CANT1: variants seen among roughly 807,000 people sequenced by gnomAD.
CANT1 encodes the protein soluble calcium-activated nucleotidase 1.
Under a neutral mutation model 30.0 loss-of-function variants are expected in CANT1, and 26 were observed. The ratio of observed to expected loss-of-function variants is 0.87; its 90% CI spans 0.64 to 1.20. The LOEUF (loss-of-function observed/expected upper bound fraction) is 1.20. CANT1 is among the 50% of genes most tolerant of loss of function. CANT1 has a pLI of 0.00. For synonymous variants in CANT1, 246 were observed against 251.8 expected (o/e 0.98, Z 0.22); for missense variants, 518 against 563.0 (o/e 0.92, Z 0.81).
intron 1 of CANT1, among the ~76,000 whole-genome samples, chr17:79,001,505 C>T (rs891777502): frequency 1.6e-4 from 25 of 152,140 alleles, no homozygotes; most frequent in African/African-American, 4.3e-4. Context: ...GAATAAATGG[C>T]GAATCTGTTA....
Position 79,002,283 on chromosome 17 carries a change from G to A in CANT1, c.-146-4320C>T, listed in dbSNP as rs2071290983. Among the ~76,000 whole-genome samples, 1 of 152,106 alleles carries A rather than the reference G, an allele frequency of 6.6e-6. No individual in the cohort carries two copies. Among genetic ancestry groups the A allele is most frequent in the Non-Finnish European group, 1.5e-5 (1 of 68,010 alleles). ...ATAGACCATCTGGGCTCAGCCAAGG[G>A]ACTTCCCTTGGCCTCAGTTTACTTC... On this transcript the variant is annotated intron_variant, in intron 1 of 4. Transcript: ENST00000392446. The surrounding 1 kb of genome is among the most constrained non-coding windows in gnomAD (Gnocchi z 4.0).
Position 79,008,943 on chromosome 17 carries a change from TG to T in CANT1, c.-147+720del, listed in dbSNP as rs1252538813. Among the ~76,000 whole-genome samples the T allele has an allele frequency of 1.3e-5, 2 of 152,192 alleles. No individual in the cohort carries two copies. Among genetic ancestry groups the T allele is most frequent in the Admixed American group, 6.5e-5 (1 of 15,278 alleles). ...TGGGATGGGGTGGGGAAGGTTGGCC[TG>T]TTACAGGTTTGACCAAGTGCCAGTC... On this transcript the variant is annotated intron_variant, in intron 1 of 4. Transcript: ENST00000392446. The surrounding 1 kb of genome is among the most constrained non-coding windows in gnomAD (Gnocchi z 4.4).
At chr17:78,994,871 G>T in intron 4 of CANT1, 147 bp downstream of exon 4, 1 of 839,258 alleles carries the variant, frequency 1.2e-6, no homozygotes, top group South Asian at 1.6e-5. Flanking sequence ...AGTGAGCTGA[G>T]ATCGTGCCAC....
At chr17:79,000,543 A>C (rs969752247) in intron 1 of CANT1, among the ~76,000 whole-genome samples, 2 of 151,046 alleles carry the variant, frequency 1.3e-5, no homozygotes, top group Non-Finnish European at 2.9e-5. Context: ...GCCATGAAGT[A>C]GCATCCATCA....
Position 78,993,711 on chromosome 17 carries a change from A to G in CANT1, c.1045T>C (p.Phe349Leu). Residue 349 changes from phenylalanine (F) to leucine (L), a missense_variant, in exon 5 of 5, where the codon TTC becomes CTC. Physicochemically the swap from Phe to Leu is conservative, Grantham distance 22. This residue lies in a region of CANT1 where 221 missense variants were observed against 211.8 expected (regional missense o/e 1.04). Transcript: ENST00000392446. The surrounding 1 kb of genome is among the most constrained non-coding windows in gnomAD (Gnocchi z 4.5). ...VPTHGFSSFKFIPNTDDQIIV... is the reference protein window; with the variant it reads ...VPTHGFSSFKLIPNTDDQIIV... ...ATCTGGTCGTCGGTGTTGGGGATGA[A>G]CTTGAAGGACGAGAAGCCGTGAGTG... is the stretch of plus-strand genomic sequence containing the variant. 1 of 1,614,152 alleles carries G rather than the reference A, an allele frequency of 6.2e-7. No homozygotes were observed. The highest frequency in any genetic ancestry group is 8.5e-7 in the Non-Finnish European group (1 of 1,180,032).
At chr17:78,994,427 C>A (rs150106708) in intron 4 of CANT1, among the ~76,000 whole-genome samples, 1 of 152,202 alleles carries the variant, frequency 6.6e-6, no homozygotes, top group Admixed American at 6.5e-5. Flanking sequence ...TGGAACACCA[C>A]GGCCCAGCGC....
In CANT1 at chr17:78,997,444, C is replaced by T. The variant is rs112979829; in HGVS notation, c.179G>A (p.Cys60Tyr). 18 of 1,602,450 alleles carry T rather than the reference C, an allele frequency of 1.1e-5. No homozygotes were observed. Among genetic ancestry groups the T allele is most frequent in the Non-Finnish European group, 1.4e-5 (17 of 1,172,660 alleles). ...FVGAAILWLL[C>Y]SHRPAPGRPP... ...CCTGCCGGGGGCCGGGCGGTGGGAG[C>T]AGAGCAGCCAGAGGATGGCAGCACC... Residue 60 changes from cysteine to tyrosine, a missense_variant, in exon 3 of 5, where the codon TGC becomes TAC. By Grantham distance (194) the Cys-to-Tyr change is radical (BLOSUM62 -2). Around this residue, in one of 3 missense-constraint regions of CANT1, gnomAD observed 249 missense variants for 268.8 expected, o/e 0.93. Transcript: ENST00000392446. The surrounding 1 kb of genome is among the most constrained non-coding windows in gnomAD (Gnocchi z 7.5).
Position 78,996,608 on chromosome 17 carries a change from T to C in CANT1, c.631+384A>G, listed in dbSNP as rs570749683. Among the ~76,000 whole-genome samples the C allele has an allele frequency of 6.6e-6, 1 of 152,154 alleles. No individual in the cohort carries two copies. The highest frequency in any genetic ancestry group is 1.5e-5 in the Non-Finnish European group (1 of 68,012). ...TTTGAGTGAGAACCATCTGTCCCCA[T>C]GGCTTTCAGGGCAAGGCTCCTGGTA... On this transcript the variant is annotated intron_variant, in intron 3 of 4. Transcript: ENST00000392446. The surrounding 1 kb of genome is among the most constrained non-coding windows in gnomAD (Gnocchi z 5.1).
At position 78,993,292 on chromosome 17, in the gene CANT1, G is replaced by A; in HGVS notation, c.*258C>T. 1.9e-6 allele frequency: 1 copy of A among 537,136 alleles called. No individual in the cohort carries two copies. The highest frequency in any genetic ancestry group is 3.2e-5 in the Admixed American group (1 of 31,502). The allele number at this position is 537,136 out of a possible 1,614,324, so 33.3% of individuals were successfully genotyped here. On this transcript the variant is annotated 3_prime_UTR_variant, in exon 5 of 5. Transcript: ENST00000392446. The surrounding 1 kb of genome is among the most constrained non-coding windows in gnomAD (Gnocchi z 4.5). ...TCGGATGGAAGAAACGACCCAGCCA[G>A]TTAGGCAGGCCTTGAGTCAATGCCT... is the stretch of plus-strand genomic sequence containing the variant.
At chr17:79,006,694 G>C (rs182965737) in intron 1 of CANT1, among the ~76,000 whole-genome samples, 1 of 152,334 alleles carries the variant, frequency 6.6e-6, no homozygotes, top group African/African-American at 2.4e-5. Context: ...GACCTTCTCA[G>C]TTGAAAGGCA....
chr17:78,999,288 C>A (rs1443824923), intron 1 of CANT1, among the ~76,000 whole-genome samples: 1 of 152,148 alleles, frequency 6.6e-6, no homozygotes, highest in African/African-American at 2.4e-5. Context: ...TCAGGACCCC[C>A]TGAGGTGGTC....
At chr17:79,001,374 C>T (rs1173109053) in intron 1 of CANT1, among the ~76,000 whole-genome samples, 1 of 152,168 alleles carries the variant, frequency 6.6e-6, no homozygotes, top group African/African-American at 2.4e-5. Context: ...GTCAGTCCCC[C>T]CAGCCGCCGG....
At chr17:78,999,701 T>A (rs1229606257) in intron 1 of CANT1, among the ~76,000 whole-genome samples, 5 of 143,096 alleles carry the variant, frequency 3.5e-5, no homozygotes, top group Non-Finnish European at 6.0e-5. Context: ...TTGCCTAGGC[T>A]GGAGTGCAAT....
At chr17:79,001,094 C>T (rs913704172) in intron 1 of CANT1, among the ~76,000 whole-genome samples, 2 of 152,218 alleles carry the variant, frequency 1.3e-5, no homozygotes, top group Non-Finnish European at 2.9e-5. Context: ...TCAGCTGCCA[C>T]ATCTGAGCTG....
chr17:78,991,807 G>A lies in CANT1; in HGVS notation c.*1743C>T, dbSNP rs2070850435. The stretch of plus-strand genomic sequence containing the variant: ...TATGCTGACAGCAGCGAACAGAGAG[G>A]GGAAGAAAAAAGGTGAGCTTTAAAG... On this transcript the variant is annotated 3_prime_UTR_variant, in exon 5 of 5. Transcript: ENST00000392446. 1 of 226,074 alleles carries A rather than the reference G, an allele frequency of 4.4e-6. No homozygotes were observed. The highest frequency in any genetic ancestry group is 2.2e-5 in the African/African-American group (1 of 44,946). 14.0% of individuals were successfully genotyped at this position (226,074 alleles called of 1,614,324 possible).
At chr17:79,007,498 G>C (rs2071593505) in intron 1 of CANT1, among the ~76,000 whole-genome samples, 1 of 152,180 alleles carries the variant, frequency 6.6e-6, no homozygotes, top group Non-Finnish European at 1.5e-5. Flanking sequence ...AAACACTACA[G>C]CATTTATACA....
chr17:78,992,404 CCTAA>C lies in CANT1; in HGVS notation c.*1142_*1145del. 1 of 297,530 alleles carries C rather than the reference CCTAA, an allele frequency of 3.4e-6. No homozygotes were observed. Among genetic ancestry groups the C allele is most frequent in the Admixed American group, 4.5e-5 (1 of 22,320 alleles). The allele number at this position is 297,530 out of a possible 1,614,324, so 18.4% of individuals were successfully genotyped here. A position where few individuals can be genotyped will look rare whatever the true frequency, so the allele number is the denominator to read the frequency against. Reference sequence around the variant, plus strand: ...ACGTCCCTTCTCAGCCTGGGTCGTGCCTAACCTGGGTCTCAAATCCCACTCTGCC... The same window carrying C: ...ACGTCCCTTCTCAGCCTGGGTCGTGCCCTGGGTCTCAAATCCCACTCTGCC... On this transcript the variant is annotated 3_prime_UTR_variant, in exon 5 of 5. Transcript: ENST00000392446.
Position 79,008,193 on chromosome 17 carries a change from G to C in CANT1, c.-147+1471C>G, listed in dbSNP as rs1479720843. The C allele has an allele frequency of 6.6e-6, 1 of 152,374 alleles. No individual in the cohort carries two copies. The highest frequency in any genetic ancestry group is 2.4e-5 in the African/African-American group (1 of 41,468). 9.4% of individuals were successfully genotyped at this position (152,374 alleles called of 1,614,324 possible). A position where few individuals can be genotyped will look rare whatever the true frequency, so the allele number is the denominator to read the frequency against. On this transcript the variant is annotated intron_variant, in intron 1 of 4. Coordinates refer to ENST00000392446, the MANE Select transcript of CANT1 (RefSeq NM_001159773.2). The surrounding 1 kb of genome is among the most constrained non-coding windows in gnomAD (Gnocchi z 4.4). The stretch of plus-strand genomic sequence containing the variant: ...TGTGCTAGGATAGAGGGCTCATTGA[G>C]GCCAGCAGGGAGGAGCACCTGGGAG...
Position 78,997,261 on chromosome 17 carries a change from T to C in CANT1, c.362A>G (p.Glu121Gly). Residue 121 changes from glutamate to glycine, a missense_variant, in exon 3 of 5, where the codon GAG (glutamate) becomes GGG (glycine). Physicochemically the swap from Glu to Gly is moderately conservative, Grantham distance 98. Transcript: ENST00000392446. This position sits in a 1 kb window ranked among gnomAD's most constrained non-coding sequence, Gnocchi z 7.5. ...CAGGTAACTGAACCAGGTGTTTTCC[T>C]CTTGGGCCCTTGACTCTGTGTCCAG... ...ADLDTESRAQ[E>G]ENTWFSYLKK... 6.2e-7 allele frequency: 1 copy of C among 1,614,222 alleles called. No individual in the cohort carries two copies. The highest frequency in any genetic ancestry group is 8.5e-7 in the Non-Finnish European group (1 of 1,180,046).
Sources: gnomAD v4.1 joint callset for allele counts (sites outside exome capture counted in the v4.1 genomes callset) on GRCh38, gnomAD v4.1.1 for gene constraint, gnomAD v4.1.1 regional missense constraint, Gnocchi (gnomAD v3.1) non-coding constraint, MANE v1.5 for transcripts, NCBI Gene and HGNC (gene_info 2026-07-23, HGNC 2026-07-21) for gene names.